ANKRD12: variants seen among roughly 807,000 people sequenced by gnomAD.
ANKRD12 encodes the protein ankyrin repeat domain 12.
ANKRD12 carries 85 observed loss-of-function variants against 183.4 expected under a neutral mutation model. The ratio of observed to expected loss-of-function variants is 0.46; its 90% confidence interval spans 0.39 to 0.56. The LOEUF (loss-of-function observed/expected upper bound fraction) is 0.56. Among genes scored for constraint, ANKRD12 ranks in the 20% least tolerant of loss-of-function variants. The probability of loss-of-function intolerance (pLI) is 0.00; values close to 1 mark genes in which losing one functional copy is unlikely to be tolerated. For missense variants in ANKRD12, 2,405 were observed against 2,357.1 expected (o/e 1.02, Z -0.42); for synonymous variants, 914 against 800.2 (o/e 1.14, Z -2.40).
At chr18:9,280,070 T>C (rs1452848881) in intron 12 of ANKRD12, among the ~76,000 whole-genome samples, 3 of 152,196 alleles carry the variant, frequency 2.0e-5, no homozygotes, top group Non-Finnish European at 4.4e-5. Flanking sequence ...TGAAATAATA[T>C]TTTCAAATTA....
chr18:9,155,045 A>G (rs1204285527), intron 1 of ANKRD12, among the ~76,000 whole-genome samples: 1 of 152,226 alleles, frequency 6.6e-6, no homozygotes, highest in East Asian at 1.9e-4. Flanking sequence ...ACATTTAGGT[A>G]CCATGGCTTA....
chr18:9,242,889 A>G (rs2037743587), intron 8 of ANKRD12, among the ~76,000 whole-genome samples: 1 of 152,194 alleles, frequency 6.6e-6, no homozygotes, highest in Admixed American at 6.5e-5. Context: ...TACAATGAAA[A>G]TAAGTTCTTA....
rs116297510 is a variant in ANKRD12, at chr18:9,160,602, T to A, written c.-51-21780T>A. On this transcript the variant is annotated intron_variant, in intron 1 of 12. Coordinates refer to ENST00000262126, the MANE Select transcript of ANKRD12 (RefSeq NM_015208.5). ...TGGAGCTTTCTAAAAAGTGTTTTTT[T>A]ATCACTCTACTCAGATACTCCGATT... is the stretch of plus-strand genomic sequence containing the variant. Among the ~76,000 whole-genome samples the A allele has an allele frequency of 1.4e-3, 215 of 152,356 alleles. 1 individual carries two copies. The highest frequency in any genetic ancestry group is 5.0e-3 in the African/African-American group (209 of 41,576).
Position 9,257,013 on chromosome 18 carries a change from T to C in ANKRD12, c.3746T>C (p.Phe1249Ser). 6.2e-7 allele frequency: 1 copy of C among 1,614,052 alleles called. No individual in the cohort carries two copies. Among genetic ancestry groups the C allele is most frequent in the African/African-American group, 1.3e-5 (1 of 74,924 alleles). ...CAAATGTCCTTTTCCCAGTCACCTT[T>C]TTTGTCAATTGCCAAATCTCCTGCT... ...ESQMSFSQSP[F>S]LSIAKSPALH... Residue 1249 changes from phenylalanine to serine, a missense_variant, in exon 9 of 13, where the codon TTT becomes TCT. By Grantham distance (155) the Phe-to-Ser change is radical (BLOSUM62 -2). Coordinates refer to ENST00000262126, the MANE Select transcript of ANKRD12 (RefSeq NM_015208.5).
intron 7 of ANKRD12, among the ~76,000 whole-genome samples, chr18:9,219,494 T>C (rs1375688982): frequency 1.3e-5 from 2 of 152,202 alleles, no homozygotes; most frequent in Admixed American, 6.5e-5. Flanking sequence ...GAGCAGTTAC[T>C]GATGTAGAAC....
intron 1 of ANKRD12, among the ~76,000 whole-genome samples, chr18:9,150,507 G>C (rs2078650004): frequency 6.6e-6 from 1 of 152,040 alleles, no homozygotes; most frequent in Admixed American, 6.5e-5. Context: ...ATTCCTTAAG[G>C]ACTTTTAAGA....
intron 8 of ANKRD12, among the ~76,000 whole-genome samples, chr18:9,226,833 AT>A (rs1191181622): frequency 2.0e-5 from 3 of 152,130 alleles, no homozygotes; most frequent in East Asian, 4.0e-4. Context: ...TTTAAAAAAA[AT>A]AAAGCCAGTT....
intron 8 of ANKRD12, among the ~76,000 whole-genome samples, chr18:9,247,740 G>A (rs990164731): frequency 1.3e-5 from 2 of 151,964 alleles, no homozygotes; most frequent in East Asian, 3.9e-4. Flanking sequence ...AATTTTCCCA[G>A]AGTCTGGATT....
Position 9,254,380 on chromosome 18 carries a change from T to G in ANKRD12, c.1113T>G (p.Ile371Met). Residue 371 changes from isoleucine to methionine, a missense_variant, in exon 9 of 13, where the codon ATT becomes ATG. This residue lies in a region of ANKRD12 where 1,983 missense variants were observed against 1,725.9 expected (regional missense o/e 1.15). Coordinates refer to ENST00000262126, the MANE Select transcript of ANKRD12 (RefSeq NM_015208.5). Reference protein sequence around the residue: ...YEFKDDDDEEINKMIDDRHIL... With the variant: ...YEFKDDDDEEMNKMIDDRHIL... ...TCAAAGATGATGATGATGAAGAAAT[T>G]AATAAGATGATTGATGATAGGCATA... The G allele has an allele frequency of 6.2e-7, 1 of 1,608,968 alleles. No individual in the cohort carries two copies. Among genetic ancestry groups the G allele is most frequent in the East Asian group, 2.2e-5 (1 of 44,698 alleles).
chr18:9,247,872 C>T (rs971012420), intron 8 of ANKRD12, among the ~76,000 whole-genome samples: 3 of 151,846 alleles, frequency 2.0e-5, no homozygotes, highest in Non-Finnish European at 4.4e-5. Context: ...GTGCAACTTC[C>T]ACCTCCCAGG....
At chr18:9,226,385 A>G (rs1312618633) in intron 8 of ANKRD12, among the ~76,000 whole-genome samples, 1 of 152,000 alleles carries the variant, frequency 6.6e-6, no homozygotes, top group Admixed American at 6.6e-5. Flanking sequence ...AGTTCGCACC[A>G]TTACACTCCA....
At chr18:9,260,895 G>A (rs2038926869) in intron 9 of ANKRD12, among the ~76,000 whole-genome samples, 1 of 152,020 alleles carries the variant, frequency 6.6e-6, no homozygotes. Context: ...ATGTCCATAA[G>A]CTCCAGAAAC....
intron 1 of ANKRD12, among the ~76,000 whole-genome samples, chr18:9,149,082 T>C (rs2078592097): frequency 6.6e-6 from 1 of 152,182 alleles, no homozygotes; most frequent in Non-Finnish European, 1.5e-5. Context: ...GTGTTCCCTC[T>C]TCTTGAAATT....
intron 8 of ANKRD12, among the ~76,000 whole-genome samples, chr18:9,253,238 A>G (rs149431878): frequency 6.6e-6 from 1 of 152,288 alleles, no homozygotes; most frequent in African/African-American, 2.4e-5. Flanking sequence ...TTATGGTGAA[A>G]TAGGGAATAA....
intron 8 of ANKRD12, among the ~76,000 whole-genome samples, chr18:9,228,553 C>T (rs988871421): frequency 6.6e-6 from 1 of 152,034 alleles, no homozygotes; most frequent in African/African-American, 2.4e-5. Context: ...ATTTTGATAC[C>T]TTTCCCTGAT....
At chr18:9,275,173 A>T (rs2039773204) in intron 10 of ANKRD12, among the ~76,000 whole-genome samples, 1 of 152,188 alleles carries the variant, frequency 6.6e-6, no homozygotes, top group East Asian at 1.9e-4. Flanking sequence ...TGGGTGACAG[A>T]GTGAGAAGAG....
intron 8 of ANKRD12, among the ~76,000 whole-genome samples, chr18:9,226,536 T>C (rs1188490582): frequency 6.6e-6 from 1 of 152,178 alleles, no homozygotes; most frequent in African/African-American, 2.4e-5. Flanking sequence ...ATAAACATGA[T>C]TAGACAATAA....
At chr18:9,166,610 G>T (rs1369632997) in intron 1 of ANKRD12, among the ~76,000 whole-genome samples, 1 of 152,092 alleles carries the variant, frequency 6.6e-6, no homozygotes, top group Non-Finnish European at 1.5e-5. Context: ...GTAGATTCTG[G>T]ATATTAGCCC....
chr18:9,255,084 G>C lies in ANKRD12; in HGVS notation c.1817G>C (p.Ser606Thr), dbSNP rs1368228720. 1 of 1,578,254 alleles carries C rather than the reference G, an allele frequency of 6.3e-7. No homozygotes were observed. The highest frequency in any genetic ancestry group is 2.0e-5 in the Admixed American group (1 of 50,080). ...SVKSCKHKEKSKHQKDFHLEF... is the reference protein window; with the variant it reads ...SVKSCKHKEKTKHQKDFHLEF... ...AAATCTTGTAAGCATAAGGAAAAAA[G>C]CAAACATCAGAAAGATTTCCACTTA... Residue 606 changes from serine (S) to threonine (T), a missense_variant, in exon 9 of 13, where the codon AGC (serine) becomes ACC (threonine). Around this residue, in one of 7 missense-constraint regions of ANKRD12, gnomAD observed 1,983 missense variants for 1,725.9 expected, o/e 1.15. Transcript: ENST00000262126.
Sources: gnomAD v4.1 joint callset for allele counts (sites outside exome capture counted in the v4.1 genomes callset) on GRCh38, gnomAD v4.1.1 for gene constraint, gnomAD v4.1.1 regional missense constraint, MANE v1.5 for transcripts, NCBI Gene and HGNC (gene_info 2026-07-23, HGNC 2026-07-21) for gene names.